The following TMEM117 variants were observed in gnomAD, a reference collection of about 807,000 sequenced individuals.
TMEM117 encodes transmembrane protein 117.
TMEM117 carries 27 observed loss-of-function variants against 52.4 expected under a neutral mutation model. The observed-to-expected ratio is 0.51, with a 90% CI of 0.38 to 0.71. The LOEUF (loss-of-function observed/expected upper bound fraction) is 0.71, where lower values mean the gene tolerates loss of function less well. Among genes scored for constraint, TMEM117 ranks in the 30% least tolerant of loss-of-function variants. TMEM117 has a pLI of 0.00. For missense variants in TMEM117, 556 were observed against 630.5 expected (o/e 0.88, Z 1.26); for synonymous variants, 215 against 206.3 (o/e 1.04, Z -0.36).
intron 3 of TMEM117, among the ~76,000 whole-genome samples, chr12:44,120,566 C>T (rs908421701): frequency 1.3e-5 from 2 of 152,164 alleles, no homozygotes; most frequent in Non-Finnish European, 2.9e-5. Context: ...TCAGGAGTTG[C>T]TACTAGCTTC....
At position 44,087,777 on chromosome 12, in the gene TMEM117, A is replaced by G. The variant is rs568467547; in HGVS notation, c.411-55748A>G. ...ACCACACCTGGCCTTATTATTTTTA[A>G]ATTGATAAGTTCACAAATGTATAGC... On this transcript the variant is annotated intron_variant, in intron 3 of 7. Transcript: ENST00000266534. Among the ~76,000 whole-genome samples the G allele has an allele frequency of 2.0e-5, 3 of 152,248 alleles. No individual in the cohort carries two copies. The South Asian group carries it at 6.2e-4, about 32-fold the overall frequency.
At chr12:44,119,705 G>T (rs1336954179) in intron 3 of TMEM117, among the ~76,000 whole-genome samples, 1 of 152,128 alleles carries the variant, frequency 6.6e-6, no homozygotes, top group Non-Finnish European at 1.5e-5. Context: ...TGACTCCCCA[G>T]TCTGACCGTG....
intron 3 of TMEM117, among the ~76,000 whole-genome samples, chr12:44,114,842 C>G (rs1948109620): frequency 6.6e-6 from 1 of 152,212 alleles, no homozygotes; most frequent in Admixed American, 6.5e-5. Flanking sequence ...AATGCTACTA[C>G]TTCCACATTT....
intron 4 of TMEM117, among the ~76,000 whole-genome samples, chr12:44,180,394 G>A (rs2138310437): frequency 6.6e-6 from 1 of 150,414 alleles, no homozygotes; most frequent in East Asian, 2.0e-4. Context: ...GGGTACATGT[G>A]CACATTGTGC....
At chr12:43,977,895 T>C (rs1237368613) in intron 3 of TMEM117, among the ~76,000 whole-genome samples, 1 of 152,208 alleles carries the variant, frequency 6.6e-6, no homozygotes, top group African/African-American at 2.4e-5. Context: ...GCATGTGTGC[T>C]AATTAGGTGA....
At chr12:44,183,618 A>G (rs2138321511) in intron 4 of TMEM117, among the ~76,000 whole-genome samples, 1 of 152,308 alleles carries the variant, frequency 6.6e-6, no homozygotes, top group Middle Eastern at 3.4e-3. Context: ...GAGATCACAC[A>G]GAATGATTTT....
the TMEM117 span, among the ~76,000 whole-genome samples, chr12:43,811,071 T>C: frequency 6.6e-6 from 1 of 152,252 alleles, no homozygotes; most frequent in African/African-American, 2.4e-5. Flanking sequence ...TGCTACACAA[T>C]AATTTTTATT....
intron 4 of TMEM117, among the ~76,000 whole-genome samples, chr12:44,152,183 TAA>T (rs1412893206): frequency 9.1e-6 from 1 of 110,052 alleles, no homozygotes; most frequent in African/African-American, 3.8e-5. Flanking sequence ...ATTATATTTA[TAA>T]AATATATATA....
At chr12:43,893,717 G>C (rs1268435176) in intron 2 of TMEM117, among the ~76,000 whole-genome samples, 4 of 151,942 alleles carry the variant, frequency 2.6e-5, no homozygotes, top group Non-Finnish European at 5.9e-5. Flanking sequence ...TTTTTCTTCT[G>C]TTATCCCATA....
At chr12:44,365,322 G>C (rs1951775666) in intron 6 of TMEM117, among the ~76,000 whole-genome samples, 1 of 151,906 alleles carries the variant, frequency 6.6e-6, no homozygotes, top group South Asian at 2.1e-4. Context: ...TTCAAGATCA[G>C]CTGCAACATA....
intron 6 of TMEM117, among the ~76,000 whole-genome samples, chr12:44,367,130 C>T (rs1429109941): frequency 1.3e-5 from 2 of 152,120 alleles, no homozygotes; most frequent in Non-Finnish European, 2.9e-5. Context: ...TTATTTGAAA[C>T]TAATCTAATC....
At chr12:44,200,551 T>G (rs1051824466) in intron 4 of TMEM117, among the ~76,000 whole-genome samples, 13 of 152,194 alleles carry the variant, frequency 8.5e-5, no homozygotes, top group African/African-American at 2.9e-4. Flanking sequence ...TTATTTTAAA[T>G]GGGCCTCTTA....
At chr12:44,089,707 C>T (rs1325524443) in intron 3 of TMEM117, among the ~76,000 whole-genome samples, 9 of 152,170 alleles carry the variant, frequency 5.9e-5, no homozygotes, top group African/African-American at 1.9e-4. Flanking sequence ...GCCATTCTTT[C>T]CCAGTCTAGT....
chr12:44,082,794 G>A (rs1189611876), intron 3 of TMEM117, among the ~76,000 whole-genome samples: 1 of 152,034 alleles, frequency 6.6e-6, no homozygotes, highest in East Asian at 1.9e-4. Context: ...GCCTTACACT[G>A]AATCCCTTCA....
chr12:44,378,817 G>A (rs571922799), intron 7 of TMEM117, among the ~76,000 whole-genome samples: 1 of 152,182 alleles, frequency 6.6e-6, no homozygotes, highest in South Asian at 2.1e-4. Flanking sequence ...CCAGAGAATC[G>A]AACTTTGGGA....
At chr12:44,120,316 T>C (rs779341515) in intron 3 of TMEM117, among the ~76,000 whole-genome samples, 31 of 152,330 alleles carry the variant, frequency 2.0e-4, no homozygotes, top group Non-Finnish European at 4.1e-4. Flanking sequence ...CTGAAAATTA[T>C]CAAAGCAATG....
intron 4 of TMEM117, among the ~76,000 whole-genome samples, chr12:44,152,514 A>G (rs1948757551): frequency 1.7e-5 from 2 of 114,328 alleles, no homozygotes; most frequent in Non-Finnish European, 3.2e-5. Context: ...TATCATATAT[A>G]AATTTATATA....
chr12:44,321,087 T>G (rs1400616037), intron 6 of TMEM117, among the ~76,000 whole-genome samples: 5 of 152,244 alleles, frequency 3.3e-5, no homozygotes, highest in African/African-American at 1.2e-4. Context: ...ATTTTCTATG[T>G]GATAATTGTA....
chr12:44,354,597 G>A (rs944389846), intron 6 of TMEM117, among the ~76,000 whole-genome samples: 1 of 151,754 alleles, frequency 6.6e-6, no homozygotes, highest in Non-Finnish European at 1.5e-5. Context: ...ATGCAGAAAA[G>A]GCCTTTGACA....
Sources: gnomAD v4.1 joint callset for allele counts (sites outside exome capture counted in the v4.1 genomes callset) on GRCh38, gnomAD v4.1.1 for gene constraint, MANE v1.5 for transcripts, NCBI Gene and HGNC (gene_info 2026-07-23, HGNC 2026-07-21) for gene names.